The following DLGAP2 variants were observed in gnomAD, a reference collection of about 807,000 sequenced individuals.
The protein encoded by DLGAP2 is DLG associated protein 2.
DLGAP2 carries 26 observed loss-of-function variants against 100.3 expected under a neutral mutation model. The observed-to-expected ratio is 0.26, with a 90% CI of 0.19 to 0.36. DLGAP2 has a LOEUF of 0.36. Among genes scored for constraint, DLGAP2 ranks in the 10% least tolerant of loss-of-function variants. DLGAP2 has a pLI of 1.00. For missense variants in DLGAP2, 1,858 were observed against 1,453.2 expected, an observed-to-expected ratio of 1.28 and a Z score of -4.53; for synonymous variants, 886 against 630.1, an observed-to-expected ratio of 1.41 and a Z score of -6.08.
intron 2 of DLGAP2, among the ~76,000 whole-genome samples, chr8:1,166,250 A>C (rs1433478367): frequency 6.6e-6 from 1 of 152,178 alleles, no homozygotes; most frequent in Non-Finnish European, 1.5e-5. Context: ...TGCCTTCCTG[A>C]GTCATGGCTA....
intron 4 of DLGAP2, among the ~76,000 whole-genome samples, chr8:1,527,538 G>C (rs1435650504): frequency 6.6e-6 from 1 of 152,268 alleles, no homozygotes; most frequent in Non-Finnish European, 1.5e-5. Context: ...TTGCCATGGA[G>C]AGGGAAGTAA....
At chr8:780,872 G>A (rs188307600) in intron 1 of DLGAP2, among the ~76,000 whole-genome samples, 79 of 152,220 alleles carry the variant, frequency 5.2e-4, no homozygotes, top group African/African-American at 1.8e-3. Context: ...GGATCCAAAG[G>A]AATCCCCCTG....
chr8:1,290,590 G>T (rs1230249258), intron 3 of DLGAP2, among the ~76,000 whole-genome samples: 3 of 152,210 alleles, frequency 2.0e-5, no homozygotes, highest in Non-Finnish European at 4.4e-5. Context: ...CTCCCATGGG[G>T]AGACAGCGGA....
intron 2 of DLGAP2, among the ~76,000 whole-genome samples, chr8:1,189,984 C>T (rs1797598313): frequency 2.0e-5 from 3 of 152,132 alleles, no homozygotes; most frequent in Admixed American, 2.0e-4. Context: ...TTCTTAACAC[C>T]ATTAAAAGGA....
In DLGAP2 at chr8:1,668,715, A is replaced by G. The variant is rs372898922; in HGVS notation, c.2160+37A>G. On this transcript the variant is annotated intron_variant, in intron 9 of 14. Transcript: ENST00000637795. The stretch of plus-strand genomic sequence containing the variant: ...TGGCCGCCCGTCAGGGCCTCGCTCC[A>G]CTCAGTCCTGCCAATAGCCTAGAAT... 26 of 1,476,802 alleles carry G rather than the reference A, an allele frequency of 1.8e-5. No homozygotes were observed. The East Asian group carries it at 4.5e-4, about 25-fold the overall frequency. 91.5% of individuals were successfully genotyped at this position (1,476,802 alleles called of 1,614,324 possible).
rs1798138528 is a variant in DLGAP2, at chr8:1,213,030, T to A, written c.74-45821T>A. On this transcript the variant is annotated intron_variant, in intron 2 of 14. Transcript: ENST00000637795. ...TTCTTGTTAAATTCTGTAATTTGTC[T>A]CATGATGAGAATTTGGGAGGCCACA... Among the ~76,000 whole-genome samples, 8 of 152,262 alleles carry A rather than the reference T, an allele frequency of 5.3e-5. No individual in the cohort carries two copies. The South Asian group carries it at 1.7e-3, about 32-fold the overall frequency.
intron 4 of DLGAP2, among the ~76,000 whole-genome samples, chr8:1,510,383 C>T (rs1206666484): frequency 6.6e-5 from 10 of 152,172 alleles, no homozygotes; most frequent in African/African-American, 1.7e-4. Context: ...CTCTGCAGTG[C>T]GTGACGAACG....
intron 3 of DLGAP2, among the ~76,000 whole-genome samples, chr8:1,322,780 G>T (rs1469891297): frequency 6.6e-6 from 1 of 152,182 alleles, no homozygotes; most frequent in Admixed American, 6.5e-5. Flanking sequence ...CCTCCCCCCT[G>T]CATCAGGGCC....
intron 8 of DLGAP2, among the ~76,000 whole-genome samples, chr8:1,646,074 T>G (rs183555180): frequency 2.0e-5 from 3 of 152,196 alleles, no homozygotes; most frequent in Admixed American, 6.5e-5. Context: ...GATATCTGGT[T>G]AAACATTATT....
At position 1,599,919 on chromosome 8, in the gene DLGAP2, G is replaced by A. The variant is rs549907663; in HGVS notation, c.1443-26821G>A. Among the ~76,000 whole-genome samples the A allele has an allele frequency of 3.3e-5, 5 of 152,198 alleles. No individual in the cohort carries two copies. In the South Asian group the frequency reaches 1.0e-3, roughly 32 times the overall value. On this transcript the variant is annotated intron_variant, in intron 6 of 14. Coordinates refer to ENST00000637795, the MANE Select transcript of DLGAP2 (RefSeq NM_001346810.2). The stretch of plus-strand genomic sequence containing the variant: ...ATGAATTTGATCCTGTCATTATGAT[G>A]CTAGCCGGTTATTTTGCCCATTAAT...
At chr8:1,388,866 T>C (rs1317912605) in intron 3 of DLGAP2, among the ~76,000 whole-genome samples, 1 of 104,880 alleles carries the variant, frequency 9.5e-6, no homozygotes, top group African/African-American at 3.8e-5. Context: ...GCAGAGGCCG[T>C]GGATGGGGAG....
chr8:1,223,786 A>G (rs1798362748), intron 2 of DLGAP2, among the ~76,000 whole-genome samples: 1 of 152,216 alleles, frequency 6.6e-6, no homozygotes, highest in Admixed American at 6.5e-5. Flanking sequence ...CGGAATCTCA[A>G]GGATAAAAAC....
intron 8 of DLGAP2, among the ~76,000 whole-genome samples, chr8:1,655,227 C>T (rs1798257114): frequency 6.6e-6 from 1 of 152,148 alleles, no homozygotes; most frequent in Admixed American, 6.6e-5. Flanking sequence ...CTGATTTATT[C>T]TTCTGTTTTG....
intron 3 of DLGAP2, among the ~76,000 whole-genome samples, chr8:1,481,961 C>G (rs1195512853): frequency 6.6e-6 from 1 of 152,196 alleles, no homozygotes; most frequent in African/African-American, 2.4e-5. Context: ...GGAGAAGGGC[C>G]AGGTAGGAGG....
chr8:920,219 G>T (rs927841631), intron 2 of DLGAP2, among the ~76,000 whole-genome samples: 8 of 152,316 alleles, frequency 5.3e-5, no homozygotes, highest in African/African-American at 1.9e-4. Context: ...GGGTCGTGCT[G>T]GGCTCTGCCC....
At chr8:1,574,387 C>G (rs545516243) in intron 6 of DLGAP2, among the ~76,000 whole-genome samples, 1 of 152,142 alleles carries the variant, frequency 6.6e-6, no homozygotes, top group Non-Finnish European at 1.5e-5. Flanking sequence ...AAGCCAACAC[C>G]ATGACCCAAG....
chr8:1,104,707 G>T (rs1563194157), intron 2 of DLGAP2, among the ~76,000 whole-genome samples: 2 of 152,060 alleles, frequency 1.3e-5, no homozygotes, highest in African/African-American at 2.4e-5. Context: ...GCACTGAGGG[G>T]TTGGGGTCCC....
In DLGAP2 at chr8:1,548,539, A is replaced by G. The variant is rs1011059389; in HGVS notation, c.173-87A>G. On this transcript the variant is annotated intron_variant, in intron 4 of 14. Transcript: ENST00000637795. ...GCCAGACATGGACACTGATTAATGA[A>G]GTCCACGGTGGGGGTCACATATTCC... 8.7e-5 allele frequency: 105 copies of G among 1,201,220 alleles called. 1 individual carries two copies. In the Middle Eastern group the frequency reaches 1.0e-3, roughly 12 times the overall value. 74.4% of individuals were successfully genotyped at this position (1,201,220 alleles called of 1,614,324 possible). A position where few individuals can be genotyped will look rare whatever the true frequency, so the allele number is the denominator to read the frequency against.
intron 2 of DLGAP2, among the ~76,000 whole-genome samples, chr8:1,197,017 G>A (rs143238025): frequency 2.1e-3 from 327 of 152,212 alleles, no homozygotes; most frequent in Non-Finnish European, 2.1e-3. Flanking sequence ...AAATCGGGGT[G>A]GGCAATGTCT....
Sources: gnomAD v4.1 joint callset for allele counts (sites outside exome capture counted in the v4.1 genomes callset) on GRCh38, gnomAD v4.1.1 for gene constraint, MANE v1.5 for transcripts, NCBI Gene and HGNC (gene_info 2026-07-23, HGNC 2026-07-21) for gene names.